ABCC4: variants seen among roughly 807,000 people sequenced by gnomAD.
The protein encoded by ABCC4 is ATP-binding cassette sub-family C member 4.
Under a neutral mutation model 168.5 loss-of-function variants are expected in ABCC4, and 102 were observed. The ratio of observed to expected loss-of-function variants is 0.61; its 90% CI spans 0.52 to 0.71. The LOEUF (loss-of-function observed/expected upper bound fraction) is 0.71. Ranked by LOEUF, ABCC4 falls within the 30% of genes least tolerant of loss-of-function variation. The pLI is 0.00. For missense variants in ABCC4, 1,402 were observed against 1,605.8 expected (o/e 0.87, Z 2.17); for synonymous variants, 617 against 590.7 (o/e 1.04, Z -0.65).
At chr13:95,122,590 T>C (rs1455117561) in intron 19 of ABCC4, among the ~76,000 whole-genome samples, 2 of 152,176 alleles carry the variant, frequency 1.3e-5, no homozygotes, top group Non-Finnish European at 2.9e-5. Flanking sequence ...CTCCCCTCCA[T>C]TCCTCCTGGC....
At chr13:95,137,753 G>A (rs977672329) in intron 19 of ABCC4, among the ~76,000 whole-genome samples, 1 of 152,044 alleles carries the variant, frequency 6.6e-6, no homozygotes, top group Non-Finnish European at 1.5e-5. Context: ...GTGCTTATTT[G>A]GTTGTTTTAA....
chr13:95,167,758 G>A (rs2037331842), intron 14 of ABCC4, among the ~76,000 whole-genome samples: 2 of 152,168 alleles, frequency 1.3e-5, no homozygotes, highest in Non-Finnish European at 2.9e-5. Context: ...GAGCAATGCA[G>A]AGTGGGTTCC....
chr13:95,301,364 G>C lies in ABCC4; in HGVS notation c.-50C>G, dbSNP rs1390342723. 1 of 1,505,808 alleles carries C rather than the reference G, an allele frequency of 6.6e-7. No individual in the cohort carries two copies. The highest frequency in any genetic ancestry group is 2.1e-5 in the Admixed American group (1 of 47,864). 93.3% of individuals were successfully genotyped at this position (1,505,808 alleles called of 1,614,324 possible). On this transcript the variant is annotated 5_prime_UTR_variant, in exon 1 of 31. Transcript: ENST00000645237. ...CCGGGGTCGCGCTGATCAGGCGGCG[G>C]TGGCCGCGGGCTCCGCTCCTGGACC...
At chr13:95,047,824 C>T (rs974279710) in intron 27 of ABCC4, among the ~76,000 whole-genome samples, 2 of 152,170 alleles carry the variant, frequency 1.3e-5, no homozygotes, top group African/African-American at 2.4e-5. Context: ...TTTTCATGCA[C>T]TGCTGTAGTT....
chr13:95,233,352 C>T (rs547729751), intron 4 of ABCC4, among the ~76,000 whole-genome samples: 6 of 151,510 alleles, frequency 4.0e-5, no homozygotes, highest in Admixed American at 2.0e-4. Context: ...TTTGCAGCCA[C>T]GTGGATGCAG....
rs777781664 is a variant in ABCC4 at position 95,034,747 on chromosome 13, TCAG to T, written c.3736-11_3736-9del. ...TCTTCCTGAATCTAAAACCTGTTAA[TCAG>T]CAGAAAGAAACCCATTGAAACACAA... On this transcript the variant is annotated splice_polypyrimidine_tract_variant and intron_variant, in intron 29 of 30. Coordinates refer to ENST00000645237, the MANE Select transcript of ABCC4 (RefSeq NM_005845.5). 7.4e-6 allele frequency: 12 copies of T among 1,613,938 alleles called. No homozygotes were observed. Among genetic ancestry groups the T allele is most frequent in the Non-Finnish European group, 1.0e-5 (12 of 1,179,990 alleles).
At chr13:95,077,564 C>T (rs2033947940) in intron 21 of ABCC4, among the ~76,000 whole-genome samples, 1 of 151,972 alleles carries the variant, frequency 6.6e-6, no homozygotes, top group South Asian at 2.1e-4. Flanking sequence ...TCTCGAACTC[C>T]TGGGCTCCAG....
Position 95,186,855 on chromosome 13 carries a change from G to C in ABCC4, c.1391C>G (p.Pro464Arg). 6.2e-7 allele frequency: 1 copy of C among 1,613,470 alleles called. No individual in the cohort carries two copies. Among genetic ancestry groups the C allele is most frequent in the Non-Finnish European group, 8.5e-7 (1 of 1,179,786 alleles). ...ATGCACGCTGACCAGCCCGTGACTT[G>C]GGGCCAATTCCCCGAGCACGGCACT... Reference protein sequence around the residue: ...LLSAVLGELAPSHGLVSVHGR... With the variant: ...LLSAVLGELARSHGLVSVHGR... Residue 464 changes from proline to arginine, a missense_variant, in exon 11 of 31, where the codon CCA becomes CGA. Physicochemically the swap from Pro to Arg is moderately radical, Grantham distance 103. Around this residue, in one of 3 missense-constraint regions of ABCC4, gnomAD observed 1,007 missense variants for 1,127.3 expected, o/e 0.89. Transcript: ENST00000645237.
intron 19 of ABCC4, among the ~76,000 whole-genome samples, chr13:95,119,483 TAC>T (rs1420690136): frequency 6.6e-6 from 1 of 152,136 alleles, no homozygotes; most frequent in African/African-American, 2.4e-5. Flanking sequence ...TAATATCACA[TAC>T]AGAGTCAGGT....
chr13:95,247,536 C>T, intron 2 of ABCC4, 107 bp downstream of exon 2: 4 of 819,212 alleles, frequency 4.9e-6, no homozygotes, highest in Non-Finnish European at 8.0e-6. Flanking sequence ...ACATATTCAC[C>T]TTAAGGGTAA....
intron 25 of ABCC4, among the ~76,000 whole-genome samples, chr13:95,064,310 A>ACC (rs2033438896): frequency 3.4e-5 from 5 of 145,210 alleles, no homozygotes; most frequent in Non-Finnish European, 6.0e-5. Flanking sequence ...ACACACACAC[A>ACC]CCAATTGAAT....
rs780559776 is a variant in ABCC4, at chr13:95,170,572, T to C, written c.1784A>G (p.Gln595Arg). 4.3e-6 allele frequency: 7 copies of C among 1,612,436 alleles called. No homozygotes were observed. The highest frequency in any genetic ancestry group is 1.1e-5 in the South Asian group (1 of 90,762). ...AATCTGACTTGCAGCTTTGAGGTAC[T>C]GCAACTGATGAGTCACTAAAATTGT... Reference protein sequence around the residue: ...KITILVTHQLQYLKAASQILI... With the variant: ...KITILVTHQLRYLKAASQILI... The change falls in exon 14 of 31, where the codon CAG becomes CGG. Residue 595 changes from glutamine to arginine, a missense_variant. Physicochemically the swap from Gln to Arg is conservative, Grantham distance 43 (BLOSUM62 1). This residue lies in a region of ABCC4 where 1,007 missense variants were observed against 1,127.3 expected (regional missense o/e 0.89). Coordinates refer to ENST00000645237, the MANE Select transcript of ABCC4 (RefSeq NM_005845.5).
At chr13:95,265,036 T>C (rs549239782) in intron 1 of ABCC4, among the ~76,000 whole-genome samples, 2 of 152,136 alleles carry the variant, frequency 1.3e-5, no homozygotes, top group East Asian at 1.9e-4. Context: ...ACCTGACTAA[T>C]TTTTGTATTT....
At chr13:95,207,638 G>A (rs7335474) in intron 7 of ABCC4, among the ~76,000 whole-genome samples, 162 bp downstream of exon 7, 1,813 of 152,278 alleles carry the variant, frequency 0.012, 36 homozygotes, top group African/African-American at 0.04. Flanking sequence ...TGAAAATAAC[G>A]TTCTCTACCA....
chr13:95,102,871 T>G (rs796872155), intron 20 of ABCC4, among the ~76,000 whole-genome samples: 8 of 150,822 alleles, frequency 5.3e-5, no homozygotes, highest in African/African-American at 1.9e-4. Context: ...TCCACCCACC[T>G]TGGCCTCCCA....
intron 10 of ABCC4, among the ~76,000 whole-genome samples, chr13:95,187,810 G>A (rs367920073): frequency 7.9e-5 from 12 of 152,146 alleles, no homozygotes; most frequent in African/African-American, 2.9e-4. Context: ...GACTAAGTCT[G>A]TACGCACGTT....
chr13:95,057,133 T>G (rs1489667706), intron 26 of ABCC4, among the ~76,000 whole-genome samples: 1 of 152,222 alleles, frequency 6.6e-6, no homozygotes, highest in Non-Finnish European at 1.5e-5. Context: ...AAAAGAAGCA[T>G]ACATTTCAGC....
At chr13:95,126,958 A>C (rs1297995209) in intron 19 of ABCC4, among the ~76,000 whole-genome samples, 3 of 151,338 alleles carry the variant, frequency 2.0e-5, no homozygotes, top group Non-Finnish European at 4.4e-5. Flanking sequence ...TTAAAAATTC[A>C]GATAAAATTT....
intron 1 of ABCC4, among the ~76,000 whole-genome samples, chr13:95,271,421 T>C (rs1420775355): frequency 6.6e-6 from 1 of 152,140 alleles, no homozygotes; most frequent in Non-Finnish European, 1.5e-5. Context: ...CGCTGGCCTT[T>C]GGTTCGCAGA....
Sources: gnomAD v4.1 joint callset for allele counts (sites outside exome capture counted in the v4.1 genomes callset) on GRCh38, gnomAD v4.1.1 for gene constraint, gnomAD v4.1.1 regional missense constraint, MANE v1.5 for transcripts, NCBI Gene and HGNC (gene_info 2026-07-23, HGNC 2026-07-21) for gene names.